Variants in CHST15 observed in about 807,000 individuals in gnomAD.
CHST15 encodes B cell RAG associated protein (GALNAC4S-6ST).
CHST15 carries 30 observed loss-of-function variants against 53.6 expected under a neutral mutation model. The ratio of observed to expected loss-of-function variants is 0.56; its 90% confidence interval spans 0.42 to 0.76. CHST15 has a LOEUF of 0.76. Among genes scored for constraint, CHST15 ranks in the 30% least tolerant of loss-of-function variants. The pLI, the probability that CHST15 is intolerant of heterozygous loss-of-function variation, is 0.00. For synonymous variants in CHST15, 296 were observed against 289.8 expected, an observed-to-expected ratio of 1.02 and a Z score of -0.22; for missense variants, 627 against 740.5, an observed-to-expected ratio of 0.85 and a Z score of 1.78.
chr10:124,025,095 A>G lies in CHST15; in HGVS notation c.1191-3683T>C, dbSNP rs181786277. Among the ~76,000 whole-genome samples, 24 of 152,358 alleles carry G rather than the reference A, an allele frequency of 1.6e-4. 1 individual carries two copies. Among genetic ancestry groups the G allele is most frequent in the African/African-American group, 3.8e-4 (16 of 41,578 alleles). On this transcript the variant is annotated intron_variant, in intron 5 of 7. Coordinates refer to ENST00000435907, the MANE Select transcript of CHST15 (RefSeq NM_001270764.2). ...ACTGAGAATTTTCTTTGTGGTAATA[A>G]CATTTCTTGCAGATATTTGGCTCAT...
At chr10:124,044,496 C>T in intron 3 of CHST15, 84 bp downstream of exon 3, 2 of 1,188,374 alleles carry the variant, frequency 1.7e-6, no homozygotes, top group Non-Finnish European at 2.3e-6. Flanking sequence ...CGCCCTCGCC[C>T]CCCAACCCCA....
chr10:124,072,946 A>G (rs1476959340), intron 1 of CHST15, among the ~76,000 whole-genome samples: 2 of 152,154 alleles, frequency 1.3e-5, no homozygotes, highest in Admixed American at 6.5e-5. Context: ...GACAAAAGGG[A>G]GTCAGTCTCA....
chr10:124,044,853 A>G lies in CHST15; in HGVS notation c.613T>C (p.Ser205Pro), dbSNP rs775676762. 2 of 1,505,882 alleles carry G rather than the reference A, an allele frequency of 1.3e-6. No individual in the cohort carries two copies. The highest frequency in any genetic ancestry group is 2.5e-5 in the East Asian group (1 of 40,244). 93.3% of individuals were successfully genotyped at this position (1,505,882 alleles called of 1,614,324 possible). A position where few individuals can be genotyped will look rare whatever the true frequency, so the allele number is the denominator to read the frequency against. ...SKSPCWYEEF[S>P]GQNTTDPYLT... ...TAGGGGTCGGTGGTGTTCTGCCCCG[A>G]GAACTCCTCGTACCAACAGGGGCTC... The change falls in exon 3 of 8, where the codon TCG becomes CCG. Residue 205 changes from serine to proline, a missense_variant. Coordinates refer to ENST00000435907, the MANE Select transcript of CHST15 (RefSeq NM_001270764.2).
chr10:124,031,353 G>C (rs959888268), intron 5 of CHST15, among the ~76,000 whole-genome samples: 1 of 152,216 alleles, frequency 6.6e-6, no homozygotes, highest in Non-Finnish European at 1.5e-5. Flanking sequence ...TCTGAGAAAT[G>C]CATCAGTAGG....
At chr10:124,025,945 C>T (rs1465320119) in intron 5 of CHST15, among the ~76,000 whole-genome samples, 1 of 152,166 alleles carries the variant, frequency 6.6e-6, no homozygotes, top group Non-Finnish European at 1.5e-5. Flanking sequence ...TTTAGGACTT[C>T]TGGCCTCCAG....
chr10:124,067,383 G>T (rs966909975), intron 1 of CHST15, among the ~76,000 whole-genome samples: 2 of 152,168 alleles, frequency 1.3e-5, no homozygotes, highest in Non-Finnish European at 2.9e-5. Flanking sequence ...CATGGAAGCC[G>T]CTAGAACAGA....
intron 2 of CHST15, among the ~76,000 whole-genome samples, 168 bp from the exon 3 acceptor site, chr10:124,045,087 T>G (rs2134003495): frequency 8.1e-6 from 1 of 123,234 alleles, no homozygotes; most frequent in Admixed American, 9.6e-5. Context: ...TCAATGACTG[T>G]GCTTTCCTCT....
rs865909507 is a variant in CHST15 at position 124,009,078 on chromosome 10, G to A, written c.*1071C>T. ...GCTGGGTGAGGAACTTTGACCACAC[G>A]CAGTGGAGAATGTGGAAATAAACTA... On this transcript the variant is annotated 3_prime_UTR_variant, in exon 8 of 8. Coordinates refer to ENST00000435907, the MANE Select transcript of CHST15 (RefSeq NM_001270764.2). 7.7e-5 allele frequency: 98 copies of A among 1,277,970 alleles called. No homozygotes were observed. The highest frequency in any genetic ancestry group is 1.2e-4 in the African/African-American group (8 of 65,688). The allele number at this position is 1,277,970 out of a possible 1,614,324, so 79.2% of individuals were successfully genotyped here.
rs144796173 is a variant in CHST15, at chr10:124,044,857, C to T, written c.609G>A (p.Glu203=). ...PNSKSPCWYE[E]FSGQNTTDPY... is the part of the protein sequence containing the mutation. The stretch of plus-strand genomic sequence containing the variant: ...GGTCGGTGGTGTTCTGCCCCGAGAA[C>T]TCCTCGTACCAACAGGGGCTCTTAC... Residue 203 remains glutamate (E), a synonymous_variant, in exon 3 of 8, where the codon GAG becomes GAA. Transcript: ENST00000435907. The T allele has an allele frequency of 5.4e-5, 81 of 1,492,464 alleles. No individual in the cohort carries two copies. The African/African-American group carries it at 9.7e-4, about 18-fold the overall frequency. 92.5% of individuals were successfully genotyped at this position (1,492,464 alleles called of 1,614,324 possible). A position where few individuals can be genotyped will look rare whatever the true frequency, so the allele number is the denominator to read the frequency against.
intron 1 of CHST15, among the ~76,000 whole-genome samples, chr10:124,079,573 G>T (rs1949174569): frequency 1.3e-5 from 2 of 152,210 alleles, no homozygotes; most frequent in Non-Finnish European, 2.9e-5. Flanking sequence ...GCAGGACCTG[G>T]GATGGAGAGG....
chr10:124,026,479 C>T (rs1415360527), intron 5 of CHST15, among the ~76,000 whole-genome samples: 1 of 152,182 alleles, frequency 6.6e-6, no homozygotes, highest in Admixed American at 6.5e-5. Context: ...AAAGGCCAGA[C>T]AGGCACACTG....
chr10:124,068,900 A>G (rs1284265989), intron 1 of CHST15, among the ~76,000 whole-genome samples: 2 of 152,266 alleles, frequency 1.3e-5, no homozygotes, highest in Non-Finnish European at 2.9e-5. Flanking sequence ...GATCATTTTT[A>G]CTTTAGAATG....
intron 1 of CHST15, among the ~76,000 whole-genome samples, chr10:124,083,779 A>G (rs1949327961): frequency 6.6e-6 from 1 of 152,174 alleles, no homozygotes; most frequent in African/African-American, 2.4e-5. Context: ...GACTTTCACT[A>G]TAATGCACTT....
chr10:124,038,710 T>C (rs780406390), intron 4 of CHST15, 39 bp from the exon 5 acceptor site: 3 of 1,606,730 alleles, frequency 1.9e-6, no homozygotes, highest in East Asian at 2.2e-5. Context: ...AGGGGTGTGA[T>C]TCAGGCTCCC....
intron 3 of CHST15, among the ~76,000 whole-genome samples, chr10:124,043,957 A>AG (rs748137953): frequency 2.7e-4 from 39 of 142,604 alleles, no homozygotes; most frequent in African/African-American, 8.1e-4. Context: ...AGCACAGAGC[A>AG]GGGAGCAGCA....
At chr10:124,027,788 G>A (rs950330393) in intron 5 of CHST15, among the ~76,000 whole-genome samples, 18 of 152,162 alleles carry the variant, frequency 1.2e-4, no homozygotes, top group East Asian at 7.7e-4. Context: ...CCATGGTCAC[G>A]CAGCCCAGGA....
At chr10:124,071,077 G>T (rs1948898678) in intron 1 of CHST15, among the ~76,000 whole-genome samples, 1 of 152,216 alleles carries the variant, frequency 6.6e-6, no homozygotes, top group African/African-American at 2.4e-5. Flanking sequence ...GATTTGATTT[G>T]ATCTGATTCT....
intron 6 of CHST15, among the ~76,000 whole-genome samples, chr10:124,016,990 C>T (rs553690372): frequency 6.6e-6 from 1 of 152,288 alleles, no homozygotes; most frequent in African/African-American, 2.4e-5. Flanking sequence ...GGCAGGGGCA[C>T]ACCCTCCCTT....
rs547671418 is a variant in CHST15 at position 124,070,465 on chromosome 10, G to A, written c.-513+23004C>T. 2.0e-5 allele frequency among the ~76,000 whole-genome samples: 3 copies of A among 152,248 alleles called. No homozygotes were observed. The East Asian group carries it at 5.8e-4, about 29-fold the overall frequency. On this transcript the variant is annotated intron_variant, in intron 1 of 7. Transcript: ENST00000435907. ...TCGATCTCGGCTCACTGCAACCTCT[G>A]CCTCCCAGGTTCAAGAGATTCTTCT...
Sources: gnomAD v4.1 joint callset for allele counts (sites outside exome capture counted in the v4.1 genomes callset) on GRCh38, gnomAD v4.1.1 for gene constraint, MANE v1.5 for transcripts, NCBI Gene and HGNC (gene_info 2026-07-23, HGNC 2026-07-21) for gene names.